SV2C: variants seen among roughly 807,000 people sequenced by gnomAD.
SV2C encodes the protein synaptic vesicle glycoprotein 2C, also known as solute carrier family 22 member B3.
A neutral mutation model predicts 79.7 loss-of-function variants in SV2C; 49 were observed. The observed-to-expected ratio is 0.61, with a 90% confidence interval of 0.49 to 0.78. The LOEUF is 0.78. SV2C is among the 30% of genes least tolerant of loss of function. SV2C has a pLI of 0.00. For synonymous variants in SV2C, 334 were observed against 333.2 expected, an observed-to-expected ratio of 1.00 and a Z score of -0.03; for missense variants, 833 against 912.9, an observed-to-expected ratio of 0.91 and a Z score of 1.13.
upstream of SV2C, chr5:76,082,526 CTCTT>C (rs1459449444): frequency 1.3e-5 from 2 of 152,084 alleles, no homozygotes; most frequent in Admixed American, 6.5e-5. Context: ...CTCTCTCTCT[CTCTT>C]CTCTCCTCTC....
the SV2C span, among the ~76,000 whole-genome samples, chr5:75,940,357 A>G: frequency 0.011 from 1,682 of 151,914 alleles, 13 homozygotes; most frequent in Middle Eastern, 0.02. Context: ...ACTGCACTTC[A>G]GCCTCGATGA....
At chr5:76,058,241 A>G in the SV2C span, among the ~76,000 whole-genome samples, 11 of 152,250 alleles carry the variant, frequency 7.2e-5, no homozygotes, top group East Asian at 1.7e-3. Context: ...TGAAACGACC[A>G]TGAATAACTC....
chr5:76,011,075 G>A, the SV2C span, among the ~76,000 whole-genome samples: 7 of 152,134 alleles, frequency 4.6e-5, no homozygotes, highest in African/African-American at 7.2e-5. Flanking sequence ...AGTGGACAGC[G>A]CATTGTTAGT....
At chr5:76,304,409 T>C (rs1748116999) in intron 12 of SV2C, among the ~76,000 whole-genome samples, 1 of 152,188 alleles carries the variant, frequency 6.6e-6, no homozygotes, top group Non-Finnish European at 1.5e-5. Flanking sequence ...ACTCAGCTAT[T>C]AGAGGAAAAT....
chr5:75,858,798 G>A, the SV2C span, among the ~76,000 whole-genome samples: 1,811 of 152,172 alleles, frequency 0.012, 36 homozygotes, highest in African/African-American at 0.04. Flanking sequence ...GGTCTTTCAG[G>A]TTTTGGATTT....
At chr5:75,913,150 A>G in the SV2C span, among the ~76,000 whole-genome samples, 2 of 152,326 alleles carry the variant, frequency 1.3e-5, no homozygotes, top group South Asian at 2.1e-4. Context: ...TCCAAATGAT[A>G]GTGCTCTCCA....
At chr5:76,109,583 C>G (rs1023599860) in intron 1 of SV2C, among the ~76,000 whole-genome samples, 1 of 152,102 alleles carries the variant, frequency 6.6e-6, no homozygotes, top group Admixed American at 6.6e-5. Flanking sequence ...TTTGCAGATG[C>G]AATCAAGTTA....
intron 12 of SV2C, among the ~76,000 whole-genome samples, chr5:76,317,269 T>A (rs969053270): frequency 6.6e-6 from 1 of 152,206 alleles, no homozygotes. Context: ...AACTTCCAGA[T>A]GAATCTTTAG....
chr5:75,981,319 T>C, the SV2C span, among the ~76,000 whole-genome samples: 2 of 152,330 alleles, frequency 1.3e-5, no homozygotes, highest in South Asian at 2.1e-4. Flanking sequence ...GTCAGTGTTC[T>C]TCCCATTAAA....
At chr5:76,155,957 A>G (rs1168463912) in intron 2 of SV2C, among the ~76,000 whole-genome samples, 2 of 151,236 alleles carry the variant, frequency 1.3e-5, no homozygotes, top group Non-Finnish European at 3.0e-5. Context: ...AAAAAAAAAA[A>G]AAAAAAAAAA....
At chr5:76,121,458 A>G (rs1748494390) in intron 1 of SV2C, among the ~76,000 whole-genome samples, 1 of 151,234 alleles carries the variant, frequency 6.6e-6, no homozygotes, top group Admixed American at 6.6e-5. Context: ...CTATGTCCTG[A>G]ATGGTAATGC....
chr5:76,100,172 C>T (rs1188275085), intron 1 of SV2C, among the ~76,000 whole-genome samples: 4 of 152,050 alleles, frequency 2.6e-5, no homozygotes, highest in Admixed American at 1.3e-4. Context: ...GTAAAGCTGC[C>T]TTTGGGTCAA....
intron 4 of SV2C, among the ~76,000 whole-genome samples, chr5:76,248,044 T>C (rs1207613492): frequency 6.6e-6 from 1 of 152,188 alleles, no homozygotes; most frequent in Non-Finnish European, 1.5e-5. Flanking sequence ...GAGCTGCTAA[T>C]GATCAAGTTA....
At chr5:76,130,474 GA>G in intron 1 of SV2C, among the ~76,000 whole-genome samples, 1 of 152,272 alleles carries the variant, frequency 6.6e-6, no homozygotes, top group East Asian at 1.9e-4. Flanking sequence ...GCTACAAAAT[GA>G]AAAAGTAGAA....
chr5:75,963,503 A>G, the SV2C span, among the ~76,000 whole-genome samples: 1 of 152,124 alleles, frequency 6.6e-6, no homozygotes, highest in Non-Finnish European at 1.5e-5. Flanking sequence ...ATTATTCAAG[A>G]CATGTCTCAT....
At chr5:75,950,149 C>T in the SV2C span, among the ~76,000 whole-genome samples, 1 of 151,982 alleles carries the variant, frequency 6.6e-6, no homozygotes, top group African/African-American at 2.4e-5. Flanking sequence ...TTGCAAAAAT[C>T]CAAGAGGGAA....
chr5:76,239,695 A>G (rs1745723069), intron 4 of SV2C, among the ~76,000 whole-genome samples: 2 of 152,148 alleles, frequency 1.3e-5, no homozygotes. Context: ...CCTCACTATT[A>G]AAGGTTAGCA....
chr5:76,160,178 A>T (rs1005185692), intron 2 of SV2C, among the ~76,000 whole-genome samples: 3 of 152,138 alleles, frequency 2.0e-5, no homozygotes, highest in African/African-American at 7.2e-5. Context: ...TCCCAGCTAG[A>T]TTCTTTAGAG....
chr5:75,969,975 C>G, the SV2C span, among the ~76,000 whole-genome samples: 13 of 152,102 alleles, frequency 8.5e-5, no homozygotes, highest in Admixed American at 8.5e-4. Context: ...CAAACTGTCT[C>G]TCAGACCACA....
Sources: gnomAD v4.1 joint callset for allele counts (sites outside exome capture counted in the v4.1 genomes callset) on GRCh38, gnomAD v4.1.1 for gene constraint, MANE v1.5 for transcripts, NCBI Gene and HGNC (gene_info 2026-07-23, HGNC 2026-07-21) for gene names.